AQR: variants seen among roughly 807,000 people sequenced by gnomAD.
AQR encodes aquarius intron-binding spliceosomal factor.
Under a neutral mutation model 180.5 loss-of-function variants are expected in AQR, and 61 were observed. The ratio of observed to expected loss-of-function variants is 0.34; its 90% CI spans 0.28 to 0.42. The LOEUF is 0.42. AQR is among the 10% of genes least tolerant of loss of function. The pLI is 1.00. For synonymous variants in AQR, 551 were observed against 588.8 expected, an observed-to-expected ratio of 0.94 and a Z score of 0.93; for missense variants, 1,281 against 1,798.3, an observed-to-expected ratio of 0.71 and a Z score of 5.20.
chr15:34,951,798 T>G (rs1645663764), intron 4 of AQR, among the ~76,000 whole-genome samples: 1 of 152,190 alleles, frequency 6.6e-6, no homozygotes, highest in South Asian at 2.1e-4. Flanking sequence ...TGCATATTGG[T>G]AGCCTCTTGA....
intron 28 of AQR, among the ~76,000 whole-genome samples, chr15:34,875,580 A>G (rs1223448948): frequency 6.6e-6 from 1 of 151,150 alleles, no homozygotes; most frequent in Non-Finnish European, 1.5e-5. Flanking sequence ...ACTCAGTGAA[A>G]ATGAAAAAAA....
chr15:34,900,328 A>G (rs980020725), intron 20 of AQR, among the ~76,000 whole-genome samples: 5 of 152,248 alleles, frequency 3.3e-5, no homozygotes, highest in Admixed American at 2.6e-4. Context: ...CTGCCAAGAC[A>G]TATTTTAGTC....
chr15:34,922,891 A>G (rs532493610), intron 13 of AQR, among the ~76,000 whole-genome samples: 112 of 152,212 alleles, frequency 7.4e-4, no homozygotes, highest in Non-Finnish European at 1.3e-3. Flanking sequence ...ATGACTAAAC[A>G]TGTTAAGCAT....
At chr15:34,958,988 TATAGATATAGATATAGATATAGATATAG>T (rs989680222) in intron 3 of AQR, among the ~76,000 whole-genome samples, 2 of 31,690 alleles carry the variant, frequency 6.3e-5, no homozygotes, top group African/African-American at 1.0e-4. Context: ...TAGATATAGA[TATAGATATAGATATAGATATAGATATAG>T]ATATAGATAT....
chr15:34,862,829 A>G, intron 33 of AQR, 38 bp downstream of exon 33: 2 of 1,603,994 alleles, frequency 1.2e-6, no homozygotes, highest in Non-Finnish European at 1.7e-6. Context: ...TTCCACTCTG[A>G]GGAATGCTGT....
intron 14 of AQR, 43 bp from the exon 15 acceptor site, chr15:34,918,421 C>T: frequency 1.4e-5 from 22 of 1,581,604 alleles, no homozygotes; most frequent in Non-Finnish European, 1.9e-5. Flanking sequence ...TTAGAAGCAT[C>T]TTTTTTCAAT....
chr15:34,920,880 C>T (rs1300194795), intron 13 of AQR, among the ~76,000 whole-genome samples: 2 of 151,920 alleles, frequency 1.3e-5, no homozygotes, highest in African/African-American at 4.8e-5. Context: ...ATGGCGTGAA[C>T]CCGGGAGGCG....
At chr15:34,862,244 A>G (rs191727244) in intron 33 of AQR, among the ~76,000 whole-genome samples, 1 of 152,270 alleles carries the variant, frequency 6.6e-6, no homozygotes, top group Admixed American at 6.5e-5. Flanking sequence ...TCTATTTCCA[A>G]GTAAGTAGTT....
intron 15 of AQR, 88 bp from the exon 16 acceptor site, chr15:34,915,267 T>A: frequency 1.6e-6 from 2 of 1,271,556 alleles, no homozygotes; most frequent in Non-Finnish European, 2.1e-6. Context: ...CTCGTCTCAC[T>A]GCAACCTCCG....
chr15:34,910,197 C>T lies in AQR; in HGVS notation c.1601G>A (p.Arg534Gln), dbSNP rs769956783. ...ATTTATGGTAACATCTGCACGAACT[C>T]GGGTTGGCCAGTTTTCACCTATGTT... Reference protein sequence around the residue: ...KPNIGENWPTRVRADVTINLN... With the variant: ...KPNIGENWPTQVRADVTINLN... The change falls in exon 17 of 35, where the codon CGA (arginine) becomes CAA (glutamine). Residue 534 changes from arginine to glutamine, a missense_variant. Transcript: ENST00000156471. The T allele has an allele frequency of 5.6e-6, 9 of 1,614,068 alleles. No individual in the cohort carries two copies. The Admixed American group carries it at 6.7e-5, about 12-fold the overall frequency.
chr15:34,938,271 C>G, intron 9 of AQR, among the ~76,000 whole-genome samples: 1 of 152,082 alleles, frequency 6.6e-6, no homozygotes, highest in East Asian at 1.9e-4. Flanking sequence ...CAGTGGCTCA[C>G]GCCTGTAATC....
At chr15:34,967,489 G>C (rs1294825042) in intron 1 of AQR, among the ~76,000 whole-genome samples, 1 of 152,142 alleles carries the variant, frequency 6.6e-6, no homozygotes, top group Non-Finnish European at 1.5e-5. Flanking sequence ...CAAAAATGCA[G>C]GTATATGGGG....
intron 4 of AQR, among the ~76,000 whole-genome samples, chr15:34,952,608 A>G (rs1184087921): frequency 6.6e-6 from 1 of 152,212 alleles, no homozygotes; most frequent in East Asian, 1.9e-4. Flanking sequence ...ATTTATTTCC[A>G]CTGATCACTA....
intron 30 of AQR, among the ~76,000 whole-genome samples, chr15:34,872,705 A>G (rs904792213): frequency 2.0e-5 from 3 of 152,150 alleles, no homozygotes; most frequent in Non-Finnish European, 2.9e-5. Flanking sequence ...ATATAACCAA[A>G]TATTTGGAGG....
At position 34,934,620 on chromosome 15, in the gene AQR, T is replaced by C; in HGVS notation, c.734A>G (p.Asp245Gly). 1 of 1,584,618 alleles carries C rather than the reference T, an allele frequency of 6.3e-7. No homozygotes were observed. Among genetic ancestry groups the C allele is most frequent in the Non-Finnish European group, 8.6e-7 (1 of 1,168,498 alleles). ...GAATCTTTCACAGTAATGAACTTTG[T>C]CCATAGTGACAGGTTCTAGACATAA... Reference protein sequence around the residue: ...SVPLSEPVTMDKVHYCERFIE... With the variant: ...SVPLSEPVTMGKVHYCERFIE... The change falls in exon 10 of 35, where the codon GAC becomes GGC. Residue 245 changes from aspartate to glycine, a missense_variant. Physicochemically the swap from Asp to Gly is moderately conservative, Grantham distance 94. Coordinates refer to ENST00000156471, the MANE Select transcript of AQR (RefSeq NM_014691.3).
At chr15:34,957,163 T>C (rs1251333368) in intron 3 of AQR, among the ~76,000 whole-genome samples, 1 of 152,050 alleles carries the variant, frequency 6.6e-6, no homozygotes, top group Non-Finnish European at 1.5e-5. Flanking sequence ...TTAAATTTTT[T>C]TTTTCTTTTT....
chr15:34,875,668 T>A (rs974183837), intron 28 of AQR, among the ~76,000 whole-genome samples: 1 of 152,188 alleles, frequency 6.6e-6, no homozygotes, highest in African/African-American at 2.4e-5. Context: ...AATGTAATTT[T>A]CTTGATTAAA....
intron 22 of AQR, 81 bp downstream of exon 22, chr15:34,896,816 T>C: frequency 1.6e-6 from 2 of 1,286,448 alleles, no homozygotes; most frequent in East Asian, 2.4e-5. Context: ...GCCACTGCAC[T>C]CCGGCATGGG....
At chr15:34,954,355 G>C (rs1432737070) in intron 3 of AQR, among the ~76,000 whole-genome samples, 1 of 151,754 alleles carries the variant, frequency 6.6e-6, no homozygotes, top group Non-Finnish European at 1.5e-5. Flanking sequence ...GCCCAGGCTA[G>C]AGTACAGTGG....
Sources: allele counts gnomAD v4.1 joint callset (sites outside exome capture counted in the v4.1 genomes callset), GRCh38; gene constraint gnomAD v4.1.1; transcripts MANE v1.5; gene names NCBI Gene and HGNC (gene_info 2026-07-23, HGNC 2026-07-21).